Variants in DOCK6 observed in about 807,000 individuals in gnomAD.
DOCK6 encodes dedicator of cytokinesis 6, also known as dedicator of cytokinesis protein 6.
In DOCK6, 167 loss-of-function variants were observed where a neutral mutation model predicts 230.3. The ratio of observed to expected loss-of-function variants is 0.73; its 90% CI spans 0.64 to 0.82. The LOEUF is 0.82. DOCK6 is among the 40% of genes least tolerant of loss of function. DOCK6 has a pLI of 0.00. For missense variants in DOCK6, 2,598 were observed against 2,825.8 expected, an observed-to-expected ratio of 0.92 and a Z score of 1.83; for synonymous variants, 1,148 against 1,185.0, an observed-to-expected ratio of 0.97 and a Z score of 0.64.
rs1568663804 is a variant in DOCK6, at chr19:11,202,413, G to A, written c.5432C>T (p.Ser1811Phe). ...ACCCACCTTTTGTGAGTCAAGCTTGGACTTGTCCACAGGGTTAGAGTCTTT... is the reference window on the plus strand; with the variant it reads ...ACCCACCTTTTGTGAGTCAAGCTTGAACTTGTCCACAGGGTTAGAGTCTTT... The part of the protein sequence containing the change: ...IIKDSNPVDK[S>F]KLDSQKAYIQ... Residue 1811 changes from serine (S) to phenylalanine (F), a missense_variant, in exon 43 of 48, where the codon TCC becomes TTC. Coordinates refer to ENST00000294618, the MANE Select transcript of DOCK6 (RefSeq NM_020812.4). This position sits in a 1 kb window ranked among gnomAD's most constrained non-coding sequence, Gnocchi z 5.3. The A allele has an allele frequency of 1.9e-6, 3 of 1,613,740 alleles. No homozygotes were observed. The highest frequency in any genetic ancestry group is 1.7e-5 in the Admixed American group (1 of 60,000).
chr19:11,206,275 C>T (rs117599666), intron 39 of DOCK6: 2,065 of 152,208 alleles, frequency 0.014, 22 homozygotes, highest in Non-Finnish European at 0.023. Flanking sequence ...AAATCAGTTG[C>T]CGGGCATGCT....
rs1383489193 is a variant in DOCK6, at chr19:11,202,624, G to A, written c.5321C>T (p.Pro1774Leu). 3 of 1,613,976 alleles carry A rather than the reference G, an allele frequency of 1.9e-6. No individual in the cohort carries two copies. Among genetic ancestry groups the A allele is most frequent in the Non-Finnish European group, 2.5e-6 (3 of 1,179,900 alleles). Residue 1774 changes from proline to leucine, a missense_variant, in exon 42 of 48, where the codon CCA (proline) becomes CTA (leucine). By Grantham distance (98) the Pro-to-Leu change is moderately conservative. Coordinates refer to ENST00000294618, the MANE Select transcript of DOCK6 (RefSeq NM_020812.4). The surrounding 1 kb of genome is among the most constrained non-coding windows in gnomAD (Gnocchi z 5.3). ...LDEQEFVYKE[P>L]SITKLAEISH... is the part of the protein sequence containing the mutation. ...GATCTCTGCCAGCTTCGTGATCGAT[G>A]GCTCCTTGTACACAAACTCCTGCTC...
At chr19:11,239,637 C>A in intron 14 of DOCK6, 5 of 1,613,672 alleles carry the variant, frequency 3.1e-6, no homozygotes, top group Non-Finnish European at 4.2e-6. Flanking sequence ...GACCCTCAGT[C>A]ATGCCAGTGC....
chr19:11,253,976 C>T (rs544840385), intron 1 of DOCK6: 60 of 394,116 alleles, frequency 1.5e-4, no homozygotes, highest in African/African-American at 1.2e-3. Flanking sequence ...CTCTCCTTCC[C>T]CTCCCGGCTG....
intron 23 of DOCK6, 49 bp downstream of exon 23, chr19:11,228,891 G>T (rs780483814): frequency 6.3e-7 from 1 of 1,580,076 alleles, no homozygotes; most frequent in Non-Finnish European, 8.7e-7. Context: ...AAAAGGAAGG[G>T]GCTCCACTGG....
Position 11,253,673 on chromosome 19 carries a change from G to T in DOCK6, c.98C>A (p.Pro33His). The T allele has an allele frequency of 6.8e-7, 1 of 1,465,856 alleles. No homozygotes were observed. Among genetic ancestry groups the T allele is most frequent in the Non-Finnish European group, 9.0e-7 (1 of 1,115,464 alleles). 90.8% of individuals were successfully genotyped at this position (1,465,856 alleles called of 1,614,324 possible). Residue 33 changes from proline to histidine, a missense_variant, in exon 2 of 48, where the codon CCC becomes CAC. By Grantham distance (77) the Pro-to-His change is moderately conservative. Coordinates refer to ENST00000294618, the MANE Select transcript of DOCK6 (RefSeq NM_020812.4). ...GCTGCTGCAGCGCCTGCTGGAGTGG[G>T]GGGAGCCACTGCGTTCCCGGGACAC... ...KQVSRERSGS[P>H]HSSRRCSSSL...
At position 11,213,163 on chromosome 19, in the gene DOCK6, A is replaced by G. The variant is rs1568224439; in HGVS notation, c.4491+13T>C. 4 of 1,609,060 alleles carry G rather than the reference A, an allele frequency of 2.5e-6. No homozygotes were observed. The highest frequency in any genetic ancestry group is 2.2e-5 in the East Asian group (1 of 44,804). ...GAGCCATGTGTGGACCATGCCTCCT[A>G]GCCCCCACTCACGTGGCCGATCTCG... On this transcript the variant is annotated intron_variant, in intron 35 of 47. Transcript: ENST00000294618.
At chr19:11,246,977 C>T (rs910653092) in intron 7 of DOCK6, among the ~76,000 whole-genome samples, 1 of 152,194 alleles carries the variant, frequency 6.6e-6, no homozygotes, top group African/African-American at 2.4e-5. Context: ...CCCAGATACC[C>T]GCTCGCACCC....
intron 30 of DOCK6, among the ~76,000 whole-genome samples, chr19:11,216,413 CT>C (rs1192279471): frequency 1.6e-3 from 229 of 140,626 alleles, no homozygotes; most frequent in Admixed American, 1.6e-3. Context: ...TTCTTTTCTT[CT>C]TTTTTTTTTT....
In DOCK6 at chr19:11,202,652, C is replaced by G; in HGVS notation, c.5293G>C (p.Asp1765His). The change falls in exon 42 of 48, where the codon GAT becomes CAT. Residue 1765 changes from aspartate (D) to histidine (H), a missense_variant. By Grantham distance (81) the Asp-to-His change is moderately conservative. Coordinates refer to ENST00000294618, the MANE Select transcript of DOCK6 (RefSeq NM_020812.4). The surrounding 1 kb of genome is among the most constrained non-coding windows in gnomAD (Gnocchi z 5.3). ...TCCTTGTACACAAACTCCTGCTCATCCAGGTCACCGAAGTGGGCGCCGTAG... is the reference window on the plus strand; with the variant it reads ...TCCTTGTACACAAACTCCTGCTCATGCAGGTCACCGAAGTGGGCGCCGTAG... Reference protein sequence around the residue: ...GFYGAHFGDLDEQEFVYKEPS... With the variant: ...GFYGAHFGDLHEQEFVYKEPS... 1 of 1,614,012 alleles carries G rather than the reference C, an allele frequency of 6.2e-7. No homozygotes were observed. Among genetic ancestry groups the G allele is most frequent in the Non-Finnish European group, 8.5e-7 (1 of 1,179,896 alleles).
At chr19:11,261,847 C>A (rs906167095) in intron 1 of DOCK6, among the ~76,000 whole-genome samples, 6 of 149,312 alleles carry the variant, frequency 4.0e-5, no homozygotes, top group Non-Finnish European at 8.8e-5. Flanking sequence ...CCCCTTCCCC[C>A]CCCCCGACAG....
intron 14 of DOCK6, 54 bp downstream of exon 14, chr19:11,241,991 A>C (rs1456723645): frequency 1.3e-6 from 2 of 1,524,726 alleles, no homozygotes; most frequent in East Asian, 4.8e-5. Flanking sequence ...CCCACCCAGC[A>C]TGATGTATGA....
chr19:11,200,822 C>G lies in DOCK6; in HGVS notation c.5833G>C (p.Gly1945Arg), dbSNP rs1568661605. The G allele has an allele frequency of 6.2e-7, 1 of 1,612,594 alleles. No individual in the cohort carries two copies. The highest frequency in any genetic ancestry group is 1.7e-5 in the Admixed American group (1 of 59,964). Residue 1945 changes from glycine (G) to arginine (R), a missense_variant and splice_region_variant, in exon 46 of 48, where the codon GGT (glycine) becomes CGT (arginine). By Grantham distance (125) the Gly-to-Arg change is moderately radical. Transcript: ENST00000294618. The surrounding 1 kb of genome is among the most constrained non-coding windows in gnomAD (Gnocchi z 4.3). The part of the protein sequence containing the change: ...QGSVGPTVNQ[G>R]PLEVAQVFLA... ...AACACCTGGGCCACCTCCAGGGGACCCTGTGGGGTGAGAGGGACTGGTGAG... is the reference window on the plus strand; with the variant it reads ...AACACCTGGGCCACCTCCAGGGGACGCTGTGGGGTGAGAGGGACTGGTGAG...
chr19:11,242,981 C>T, intron 13 of DOCK6, 78 bp downstream of exon 13: 1 of 1,539,908 alleles, frequency 6.5e-7, no homozygotes. Flanking sequence ...GCCCCTGGCA[C>T]AGTAGGTGCT....
chr19:11,241,630 A>T (rs2079946140), intron 14 of DOCK6: 10 of 1,566,216 alleles, frequency 6.4e-6, no homozygotes, highest in Non-Finnish European at 8.6e-6. Flanking sequence ...GGGCCCCCTC[A>T]CCTGGGCTGA....
At chr19:11,247,946 G>T in intron 7 of DOCK6, 120 bp downstream of exon 7, 1 of 808,326 alleles carries the variant, frequency 1.2e-6, no homozygotes, top group Non-Finnish European at 2.1e-6. Flanking sequence ...CCATACATAG[G>T]TGGCCACATA....
chr19:11,222,421 G>T lies in DOCK6; in HGVS notation c.3241-173C>A. 1 of 942,944 alleles carries T rather than the reference G, an allele frequency of 1.1e-6. No homozygotes were observed. The highest frequency in any genetic ancestry group is 1.6e-6 in the Non-Finnish European group (1 of 644,686). 58.4% of individuals were successfully genotyped at this position (942,944 alleles called of 1,614,324 possible). The stretch of plus-strand genomic sequence containing the variant: ...GGGCATGGGTTTCAAGGCCAGAAGT[G>T]AGGGGCTGACGTTAACCCATCTGTG... On this transcript the variant is annotated intron_variant, in intron 26 of 47. Coordinates refer to ENST00000294618, the MANE Select transcript of DOCK6 (RefSeq NM_020812.4). The surrounding 1 kb of genome is among the most constrained non-coding windows in gnomAD (Gnocchi z 4.0).
Position 11,201,177 on chromosome 19 carries a change from A to C in DOCK6, c.5689-125T>G. The C allele has an allele frequency of 1.6e-6, 2 of 1,224,572 alleles. No individual in the cohort carries two copies. The highest frequency in any genetic ancestry group is 2.3e-6 in the Non-Finnish European group (2 of 878,360). 75.9% of individuals were successfully genotyped at this position (1,224,572 alleles called of 1,614,324 possible). A position where few individuals can be genotyped will look rare whatever the true frequency, so the allele number is the denominator to read the frequency against. The stretch of plus-strand genomic sequence containing the variant: ...TCCAAGAACCCAGGCAATGAACAGA[A>C]TCTGGGGGCCTTCCTGGGTCTGACT... On this transcript the variant is annotated intron_variant, in intron 44 of 47. Transcript: ENST00000294618. This position sits in a 1 kb window ranked among gnomAD's most constrained non-coding sequence, Gnocchi z 4.3.
rs747889810 is a variant in DOCK6, at chr19:11,253,653, T to G, written c.118A>C (p.Ser40Arg). 1.4e-6 allele frequency: 2 copies of G among 1,449,560 alleles called. No individual in the cohort carries two copies. Among genetic ancestry groups the G allele is most frequent in the Non-Finnish European group, 1.8e-6 (2 of 1,106,838 alleles). The allele number at this position is 1,449,560 out of a possible 1,614,324, so 89.8% of individuals were successfully genotyped here. ...CAAATACTTACCCCCAGGGAGCTGC[T>G]GCAGCGCCTGCTGGAGTGGGGGGAG... ...SGSPHSSRRCSSSLGVPLTEV... is the reference protein window; with the variant it reads ...SGSPHSSRRCRSSLGVPLTEV... The change falls in exon 2 of 48, where the codon AGC (serine) becomes CGC (arginine). Residue 40 changes from serine to arginine, a missense_variant. Coordinates refer to ENST00000294618, the MANE Select transcript of DOCK6 (RefSeq NM_020812.4).
Sources: gnomAD v4.1 joint callset for allele counts (sites outside exome capture counted in the v4.1 genomes callset) on GRCh38, gnomAD v4.1.1 for gene constraint, Gnocchi (gnomAD v3.1) non-coding constraint, MANE v1.5 for transcripts, NCBI Gene and HGNC (gene_info 2026-07-23, HGNC 2026-07-21) for gene names.